The following PITPNC1 variants were observed in gnomAD, a reference collection of about 807,000 sequenced individuals.
The protein encoded by PITPNC1 is phosphatidylinositol transfer protein cytoplasmic 1, also known as cytoplasmic phosphatidylinositol transfer protein 1.
Under a neutral mutation model 44.7 loss-of-function variants are expected in PITPNC1, and 18 were observed. The observed-to-expected ratio is 0.40, with a 90% CI of 0.28 to 0.60. The LOEUF is 0.60. Ranked by LOEUF, PITPNC1 falls within the 20% of genes least tolerant of loss-of-function variation. The pLI is 0.39. For missense variants in PITPNC1, 290 were observed against 418.4 expected (o/e 0.69, Z 2.68); for synonymous variants, 141 against 149.6 (o/e 0.94, Z 0.42).
chr17:67,564,886 T>A (rs16960976), intron 4 of PITPNC1, among the ~76,000 whole-genome samples: 1 of 152,146 alleles, frequency 6.6e-6, no homozygotes. Flanking sequence ...AAGAACTTCA[T>A]AATTTCCACT....
intron 1 of PITPNC1, among the ~76,000 whole-genome samples, chr17:67,426,580 G>A (rs1024891143): frequency 1.3e-5 from 2 of 151,928 alleles, no homozygotes; most frequent in African/African-American, 2.4e-5. Flanking sequence ...GACACAGGGA[G>A]GGGAACAACA....
At chr17:67,477,465 G>A (rs1199968063) in intron 1 of PITPNC1, among the ~76,000 whole-genome samples, 5 of 151,996 alleles carry the variant, frequency 3.3e-5, no homozygotes, top group Non-Finnish European at 5.9e-5. Context: ...AACTGGTCTC[G>A]AACTCCTGAC....
chr17:67,687,183 G>C, intron 8 of PITPNC1: 1 of 1,510,340 alleles, frequency 6.6e-7, no homozygotes, highest in Non-Finnish European at 9.2e-7. Context: ...GCCCAAACAA[G>C]TGTACGTAGA....
intron 5 of PITPNC1, among the ~76,000 whole-genome samples, chr17:67,587,998 T>C (rs1272054405): frequency 6.6e-6 from 1 of 152,090 alleles, no homozygotes; most frequent in Non-Finnish European, 1.5e-5. Flanking sequence ...TCGTGAAGTT[T>C]GTTTTCTTTC....
chr17:67,584,494 T>C (rs2041283774), intron 5 of PITPNC1, among the ~76,000 whole-genome samples: 1 of 152,154 alleles, frequency 6.6e-6, no homozygotes, highest in Admixed American at 6.5e-5. Flanking sequence ...AAGATCAGTA[T>C]TGAAGTTCCA....
intron 5 of PITPNC1, among the ~76,000 whole-genome samples, chr17:67,585,529 G>A (rs1490886190): frequency 1.3e-5 from 2 of 152,190 alleles, no homozygotes; most frequent in East Asian, 3.9e-4. Flanking sequence ...TAGGCTGGGT[G>A]TGGTGGCTCA....
Position 67,415,857 on chromosome 17 carries a change from C to CA in PITPNC1, c.48+37657dup, listed in dbSNP as rs2038579259. ...TTCCAACTTAGACTTGATAAATATG[C>CA]AAGAGTCATGAAATATGAATGAAAA... On this transcript the variant is annotated intron_variant, in intron 1 of 8. Transcript: ENST00000581322. Among the ~76,000 whole-genome samples the CA allele has an allele frequency of 2.0e-5, 3 of 151,304 alleles. No homozygotes were observed. In the South Asian group the frequency reaches 6.3e-4, roughly 32 times the overall value.
chr17:67,660,605 G>T (rs1396433300), intron 6 of PITPNC1, among the ~76,000 whole-genome samples: 2 of 147,162 alleles, frequency 1.4e-5, no homozygotes, highest in Non-Finnish European at 3.0e-5. Context: ...GAGTGCAGTG[G>T]CATGATCTCA....
In PITPNC1 at chr17:67,399,139, C is replaced by T. The variant is rs201770993; in HGVS notation, c.48+20937C>T. Reference sequence around the variant, plus strand: ...AAGCGATTCTCCTGCCTCAGCCTCCCGAGTAGCTGGGATTACAGGCACATG... The same window carrying T: ...AAGCGATTCTCCTGCCTCAGCCTCCTGAGTAGCTGGGATTACAGGCACATG... On this transcript the variant is annotated intron_variant, in intron 1 of 8. Transcript: ENST00000581322. Among the ~76,000 whole-genome samples the T allele has an allele frequency of 4.4e-4, 67 of 151,794 alleles. No individual in the cohort carries two copies. In the East Asian group the frequency reaches 0.012, roughly 27 times the overall value.
intron 6 of PITPNC1, among the ~76,000 whole-genome samples, chr17:67,645,209 C>T (rs1350619909): frequency 6.6e-6 from 1 of 152,034 alleles, no homozygotes; most frequent in Non-Finnish European, 1.5e-5. Flanking sequence ...GGCATGGTGG[C>T]GGGCACCTAT....
intron 1 of PITPNC1, among the ~76,000 whole-genome samples, chr17:67,521,143 G>T (rs893467670): frequency 8.5e-5 from 13 of 152,172 alleles, no homozygotes; most frequent in Non-Finnish European, 1.5e-4. Flanking sequence ...CAGGATAGAG[G>T]TTGTGCTGGT....
intron 2 of PITPNC1, among the ~76,000 whole-genome samples, chr17:67,549,709 C>T (rs984296520): frequency 6.6e-6 from 1 of 152,136 alleles, no homozygotes; most frequent in African/African-American, 2.4e-5. Context: ...CGGACTACTA[C>T]TATGCATGAG....
intron 1 of PITPNC1, among the ~76,000 whole-genome samples, chr17:67,472,363 A>AT (rs2039551692): frequency 7.6e-6 from 1 of 131,284 alleles, no homozygotes; most frequent in Non-Finnish European, 1.6e-5. Flanking sequence ...AAAAAAAAAA[A>AT]AGGACCGGGT....
rs143740556 is a variant in PITPNC1 at position 67,610,898 on chromosome 17, C to A, written c.367-21245C>A. Among the ~76,000 whole-genome samples, 696 of 138,560 alleles carry A rather than the reference C, an allele frequency of 5.0e-3. 4 individuals are homozygous for A. The highest frequency in any genetic ancestry group is 0.018 in the African/African-American group (654 of 36,868). The allele number at this position is 138,560 out of a possible 152,430, so 90.9% of individuals were successfully genotyped here. On this transcript the variant is annotated intron_variant, in intron 5 of 8. Transcript: ENST00000581322. ...ATTGCGCCACTGCACTCCAGCCTGG[C>A]GACAGGGTGAGACTCTGTCTCAAAA...
chr17:67,607,674 C>T (rs924739871), intron 5 of PITPNC1, among the ~76,000 whole-genome samples: 7 of 152,106 alleles, frequency 4.6e-5, no homozygotes, highest in African/African-American at 1.7e-4. Context: ...CCCCAACCCC[C>T]CAGAACCCTT....
intron 1 of PITPNC1, among the ~76,000 whole-genome samples, chr17:67,415,034 G>A (rs4561503): frequency 0.41 from 61,695 of 151,768 alleles, 12,853 homozygotes; most frequent in African/African-American, 0.47. Context: ...TGTGTGCCAC[G>A]AGGCCTGGCT....
At chr17:67,393,413 T>G (rs541604971) in intron 1 of PITPNC1, among the ~76,000 whole-genome samples, 3 of 152,152 alleles carry the variant, frequency 2.0e-5, no homozygotes, top group Non-Finnish European at 2.9e-5. Context: ...TCAGGTTTTT[T>G]TTTTTAATTG....
chr17:67,617,860 G>T (rs1270326997), intron 5 of PITPNC1, among the ~76,000 whole-genome samples: 1 of 152,078 alleles, frequency 6.6e-6, no homozygotes, highest in Non-Finnish European at 1.5e-5. Flanking sequence ...CTAAATCCAG[G>T]ATGACTTCAT....
At chr17:67,650,441 C>CTTTTTTTTTTTTTTT (rs34611864) in intron 6 of PITPNC1, among the ~76,000 whole-genome samples, 1 of 70,984 alleles carries the variant, frequency 1.4e-5, no homozygotes, top group African/African-American at 6.6e-5. Context: ...AAACCATAGG[C>CTTTTTTTTTTTTTTT]TTTTTTTTTT....
Sources: allele counts gnomAD v4.1 joint callset (sites outside exome capture counted in the v4.1 genomes callset), GRCh38; gene constraint gnomAD v4.1.1; transcripts MANE v1.5; gene names NCBI Gene and HGNC (gene_info 2026-07-23, HGNC 2026-07-21).